CRYBG1: variants seen among roughly 807,000 people sequenced by gnomAD.
The protein encoded by CRYBG1 is crystallin beta-gamma domain containing 1.
CRYBG1 carries 139 observed loss-of-function variants against 189.2 expected under a neutral mutation model. The ratio of observed to expected loss-of-function variants is 0.73; its 90% CI spans 0.64 to 0.85. CRYBG1 has a LOEUF of 0.85. Among genes scored for constraint, CRYBG1 ranks in the 40% least tolerant of loss-of-function variants. The pLI is 0.00. For synonymous variants in CRYBG1, 1,023 were observed against 1,017.1 expected, an observed-to-expected ratio of 1.01 and a Z score of -0.11; for missense variants, 2,611 against 2,675.8, an observed-to-expected ratio of 0.98 and a Z score of 0.53.
At chr6:106,396,801 C>T (rs1475359418) in intron 1 of CRYBG1, among the ~76,000 whole-genome samples, 1 of 152,234 alleles carries the variant, frequency 6.6e-6, no homozygotes, top group Non-Finnish European at 1.5e-5. Context: ...CCTGCCTCAG[C>T]CTCCCAAATA....
chr6:106,564,167 A>AAACAAC (rs151038275), intron 21 of CRYBG1, among the ~76,000 whole-genome samples: 1 of 151,960 alleles, frequency 6.6e-6, no homozygotes, highest in African/African-American at 2.4e-5. Flanking sequence ...TTTACAGACA[A>AAACAAC]AACAACAACA....
At chr6:106,444,424 A>G (rs6922906) in intron 1 of CRYBG1, among the ~76,000 whole-genome samples, 5,663 of 152,314 alleles carry the variant, frequency 0.037, 281 homozygotes, top group African/African-American at 0.12. Flanking sequence ...CTTGAGGCAC[A>G]GACCTCGGTT....
intron 2 of CRYBG1, among the ~76,000 whole-genome samples, chr6:106,476,390 T>C (rs1164700404): frequency 6.6e-6 from 1 of 152,234 alleles, no homozygotes; most frequent in African/African-American, 2.4e-5. Context: ...GATTAAATTC[T>C]ATAAACGTCA....
At chr6:106,434,162 G>T (rs1247314724) in intron 1 of CRYBG1, among the ~76,000 whole-genome samples, 1 of 151,868 alleles carries the variant, frequency 6.6e-6, no homozygotes, top group Non-Finnish European at 1.5e-5. Flanking sequence ...AAGAGAGAGA[G>T]AGAGAGAGAT....
intron 2 of CRYBG1, among the ~76,000 whole-genome samples, chr6:106,500,820 G>C (rs187443673): frequency 1.3e-5 from 2 of 152,270 alleles, no homozygotes; most frequent in East Asian, 3.9e-4. Context: ...AAATAATCCA[G>C]AGGAGGAATA....
chr6:106,550,022 G>A (rs9386565), intron 13 of CRYBG1, among the ~76,000 whole-genome samples: 129,250 of 152,186 alleles, frequency 0.85, 56,127 homozygotes, highest in South Asian at 0.96. Context: ...GTTCAGTCAC[G>A]TTCTGGCCAA....
At chr6:106,540,145 C>G (rs1015303254) in intron 9 of CRYBG1, among the ~76,000 whole-genome samples, 3 of 152,076 alleles carry the variant, frequency 2.0e-5, no homozygotes, top group African/African-American at 7.2e-5. Context: ...TTTGTGCTTC[C>G]TCTCCCTTGT....
intron 2 of CRYBG1, among the ~76,000 whole-genome samples, chr6:106,498,842 C>T (rs958066736): frequency 6.6e-6 from 1 of 151,718 alleles, no homozygotes; most frequent in Non-Finnish European, 1.5e-5. Context: ...CCACTGCACT[C>T]CAGCCTGGGC....
chr6:106,502,068 T>G (rs1460551958), intron 2 of CRYBG1, among the ~76,000 whole-genome samples: 1 of 152,172 alleles, frequency 6.6e-6, no homozygotes, highest in Non-Finnish European at 1.5e-5. Flanking sequence ...TGGCTGTAGC[T>G]GTGCCTGGTC....
chr6:106,373,067 T>C (rs962603566), intron 1 of CRYBG1, among the ~76,000 whole-genome samples: 1 of 152,156 alleles, frequency 6.6e-6, no homozygotes. Context: ...CCCGTAGAAA[T>C]GTAGGTACCC....
In CRYBG1 at chr6:106,360,848, T is replaced by C. The variant is rs1394770693; in HGVS notation, c.-61T>C. On this transcript the variant is annotated 5_prime_UTR_variant, in exon 1 of 22. Transcript: ENST00000633556. ...GCTGGCGCTCAGGTGTGTTCTTCCA[T>C]AGGGCCCGGGCGGCAGAGAGGACCG... 6.1e-6 allele frequency: 9 copies of C among 1,467,346 alleles called. No individual in the cohort carries two copies. In the East Asian group the frequency reaches 1.0e-4, roughly 17 times the overall value. 90.9% of individuals were successfully genotyped at this position (1,467,346 alleles called of 1,614,324 possible).
chr6:106,458,307 T>C (rs190593269), intron 2 of CRYBG1, among the ~76,000 whole-genome samples: 6 of 152,368 alleles, frequency 3.9e-5, no homozygotes, highest in Non-Finnish European at 8.8e-5. Flanking sequence ...TTGCACAGAC[T>C]CTTTCCCATG....
chr6:106,419,688 T>C (rs2010088), intron 1 of CRYBG1, among the ~76,000 whole-genome samples: 81,425 of 152,038 alleles, frequency 0.54, 21,979 homozygotes, highest in South Asian at 0.72. Flanking sequence ...CTGGCCTCCT[T>C]ACAAGTTTTT....
rs768619435 is a variant in CRYBG1, at chr6:106,519,113, CCTG to C, written c.1923-15_1923-13del. ...AAAACTAGGTCAATAACTTTATCTTCCTGCTTTTTCCTCACAGCCCTGCCAAGC... is the reference window on the plus strand; with the variant it reads ...AAAACTAGGTCAATAACTTTATCTTCCTTTTTCCTCACAGCCCTGCCAAGC... On this transcript the variant is annotated splice_polypyrimidine_tract_variant and intron_variant, in intron 3 of 21. Transcript: ENST00000633556. 18 of 1,585,504 alleles carry C rather than the reference CCTG, an allele frequency of 1.1e-5. No homozygotes were observed. In the East Asian group the frequency reaches 4.0e-4, roughly 36 times the overall value.
rs147972474 is a variant in CRYBG1 at position 106,495,095 on chromosome 6, G to A, written c.313-16335G>A. On this transcript the variant is annotated intron_variant, in intron 2 of 21. Transcript: ENST00000633556. ...GTCTTTTCAGCAATTTTGGTTCAGT[G>A]TCACACCCAAAAAAGGGCACACCTC... Among the ~76,000 whole-genome samples, 295 of 152,224 alleles carry A rather than the reference G, an allele frequency of 1.9e-3. 6 individuals carry two copies. The East Asian group carries it at 0.033, about 17-fold the overall frequency.
At chr6:106,451,900 TAGCCTGTCTAAGAAACAC>T in intron 2 of CRYBG1, 68 bp downstream of exon 2, 3 of 1,377,998 alleles carry the variant, frequency 2.2e-6, no homozygotes, top group Non-Finnish European at 2.9e-6. Context: ...CACTGTAAGA[TAGCCTGTCTAAGAAACAC>T]ATACTTAAAA....
At chr6:106,377,781 C>CAAATAAGTA (rs1446513511) in intron 1 of CRYBG1, among the ~76,000 whole-genome samples, 2 of 151,742 alleles carry the variant, frequency 1.3e-5, no homozygotes, top group African/African-American at 4.9e-5. Context: ...TTAGTGTATC[C>CAAATAAGTA]TACCACAGGT....
At chr6:106,499,357 A>C in intron 2 of CRYBG1, among the ~76,000 whole-genome samples, 1 of 140,470 alleles carries the variant, frequency 7.1e-6, no homozygotes, top group African/African-American at 2.7e-5. Flanking sequence ...ATGAGGTTTC[A>C]CCATGTTGGC....
chr6:106,556,568 T>C (rs1431017800), intron 17 of CRYBG1, among the ~76,000 whole-genome samples: 1 of 152,194 alleles, frequency 6.6e-6, no homozygotes, highest in Admixed American at 6.5e-5. Context: ...TGCCCTCTTT[T>C]GGACAGAAGT....
Sources: gnomAD v4.1 joint callset for allele counts (sites outside exome capture counted in the v4.1 genomes callset) on GRCh38, gnomAD v4.1.1 for gene constraint, MANE v1.5 for transcripts, NCBI Gene and HGNC (gene_info 2026-07-23, HGNC 2026-07-21) for gene names.